The following EFTUD2 variants were observed in gnomAD, a reference collection of about 807,000 sequenced individuals.
EFTUD2 encodes the protein 116 kDa U5 small nuclear ribonucleoprotein component.
EFTUD2 carries 9 observed loss-of-function variants against 114.3 expected under a neutral mutation model. That is an observed-to-expected ratio of 0.08 (90% CI 0.05 to 0.14). EFTUD2 has a LOEUF of 0.14. EFTUD2 is among the 10% of genes least tolerant of loss of function. EFTUD2 has a pLI of 1.00. For synonymous variants in EFTUD2, 449 were observed against 462.3 expected (o/e 0.97, Z 0.37); for missense variants, 765 against 1,241.2 (o/e 0.62, Z 5.76).
Position 44,860,054 on chromosome 17 carries a change from C to A in EFTUD2, c.1720-9G>T. 6.2e-7 allele frequency: 1 copy of A among 1,614,126 alleles called. No individual in the cohort carries two copies. The highest frequency in any genetic ancestry group is 8.5e-7 in the Non-Finnish European group (1 of 1,180,040). On this transcript the variant is annotated splice_polypyrimidine_tract_variant and intron_variant, in intron 17 of 27. Coordinates refer to ENST00000426333, the MANE Select transcript of EFTUD2 (RefSeq NM_004247.4). ...GGTCGGAAAATCTGAGCCTGAGATC[C>A]AAAGCACAAAGGACTGAGGGCAACT...
At position 44,867,875 on chromosome 17, in the gene EFTUD2, G is replaced by A. The variant is rs2050778611; in HGVS notation, c.1081C>T (p.Pro361Ser). The A allele has an allele frequency of 6.2e-7, 1 of 1,601,804 alleles. No homozygotes were observed. Among genetic ancestry groups the A allele is most frequent in the Non-Finnish European group, 8.5e-7 (1 of 1,173,826 alleles). Residue 361 changes from proline (P) to serine (S), a missense_variant, in exon 13 of 28, where the codon CCA (proline) becomes TCA (serine). By Grantham distance (74) the Pro-to-Ser change is moderately conservative. Around this residue, in one of 6 missense-constraint regions of EFTUD2, gnomAD observed 251 missense variants for 357.7 expected, o/e 0.70. Transcript: ENST00000426333. Reference protein sequence around the residue: ...PKTRKFTKKAPTSSSQRSFVE... With the variant: ...PKTRKFTKKASTSSSQRSFVE... The stretch of plus-strand genomic sequence containing the variant: ...AAACTTCTCTGGGAGCTGCTAGTTG[G>A]GGCCTTTTTGGTGAACTTTCGCCTA...
intron 11 of EFTUD2, among the ~76,000 whole-genome samples, chr17:44,868,631 C>T (rs1246447293): frequency 6.6e-6 from 1 of 152,196 alleles, no homozygotes; most frequent in Non-Finnish European, 1.5e-5. Flanking sequence ...GCATGGGTTA[C>T]ATGTTTTCCT....
intron 2 of EFTUD2, among the ~76,000 whole-genome samples, chr17:44,889,541 A>G (rs2051240350): frequency 6.6e-6 from 1 of 152,238 alleles, no homozygotes; most frequent in South Asian, 2.1e-4. Flanking sequence ...AAGGGATGGG[A>G]TTAGTTTCTA....
At chr17:44,863,946 G>T in intron 14 of EFTUD2, 164 bp from the exon 15 acceptor site, 1 of 895,004 alleles carries the variant, frequency 1.1e-6, no homozygotes, top group Non-Finnish European at 1.6e-6. Flanking sequence ...TCCTGGGAAT[G>T]TGCTGCTAGA....
At chr17:44,873,898 ATT>A (rs1054585104) in intron 10 of EFTUD2, among the ~76,000 whole-genome samples, 2 of 149,442 alleles carry the variant, frequency 1.3e-5, no homozygotes, top group African/African-American at 5.0e-5. Flanking sequence ...AGCCCGGCTA[ATT>A]TTTTTTGTAT....
intron 1 of EFTUD2, among the ~76,000 whole-genome samples, chr17:44,896,800 A>C (rs2051394519): frequency 6.6e-6 from 1 of 152,270 alleles, no homozygotes; most frequent in African/African-American, 2.4e-5. Context: ...CAACTATGTA[A>C]CTTGAGGTAA....
chr17:44,885,041 T>G (rs957987378), intron 4 of EFTUD2, among the ~76,000 whole-genome samples: 2 of 152,024 alleles, frequency 1.3e-5, no homozygotes, highest in Non-Finnish European at 2.9e-5. Flanking sequence ...AAACTAAAGA[T>G]CTGGAAGAGG....
chr17:44,867,770 A>G (rs1450189038), intron 13 of EFTUD2, 37 bp downstream of exon 13: 1 of 1,486,074 alleles, frequency 6.7e-7, no homozygotes, highest in Non-Finnish European at 9.0e-7. Flanking sequence ...CTGTGCTTAT[A>G]AGAGCAGATC....
At chr17:44,859,387 T>C in intron 18 of EFTUD2, 1 of 597,996 alleles carries the variant, frequency 1.7e-6, no homozygotes, top group Non-Finnish European at 3.0e-6. Context: ...AGCATGGTGA[T>C]ACTAGGTGTG....
At chr17:44,857,200 G>C (rs1567731253) in intron 19 of EFTUD2, 43 bp from the exon 20 acceptor site, 1 of 1,565,212 alleles carries the variant, frequency 6.4e-7, no homozygotes, top group African/African-American at 1.4e-5. Context: ...GTCTAATTTT[G>C]TTGGAAGGGC....
intron 11 of EFTUD2, among the ~76,000 whole-genome samples, chr17:44,871,082 G>A (rs561528634): frequency 1.3e-5 from 2 of 151,586 alleles, no homozygotes; most frequent in South Asian, 2.1e-4. Flanking sequence ...TCTGTTGCCC[G>A]GGCTGGAGTG....
chr17:44,871,260 A>T (rs982699285), intron 11 of EFTUD2, among the ~76,000 whole-genome samples: 4 of 151,994 alleles, frequency 2.6e-5, no homozygotes, highest in African/African-American at 9.7e-5. Flanking sequence ...ACTGGGCTCA[A>T]GTGATCCGCC....
chr17:44,885,428 G>A (rs2051150870), intron 3 of EFTUD2, 94 bp from the exon 4 acceptor site: 2 of 840,562 alleles, frequency 2.4e-6, no homozygotes, highest in African/African-American at 1.7e-5. Context: ...CAGAATGTAT[G>A]ATGTATGACA....
chr17:44,863,289 T>C (rs75016201), intron 15 of EFTUD2: 5,355 of 248,376 alleles, frequency 0.022, 90 homozygotes, highest in Non-Finnish European at 0.029. Context: ...CTGGGAAAGA[T>C]GTTTTTAAAA....
At position 44,850,203 on chromosome 17, in the gene EFTUD2, G is replaced by A. The variant is rs944060014; in HGVS notation, c.*1071C>T. ...GCTTGAAGCAGCTGTTGGGACCTGGGGCAGAAAGATGAGCGGGAAGCTGGA... is the reference window on the plus strand; with the variant it reads ...GCTTGAAGCAGCTGTTGGGACCTGGAGCAGAAAGATGAGCGGGAAGCTGGA... On this transcript the variant is annotated 3_prime_UTR_variant, in exon 28 of 28. Transcript: ENST00000426333. 2.9e-5 allele frequency: 19 copies of A among 657,568 alleles called. No individual in the cohort carries two copies. The highest frequency in any genetic ancestry group is 4.5e-5 in the Non-Finnish European group (17 of 379,524). The allele number at this position is 657,568 out of a possible 1,614,324, so 40.7% of individuals were successfully genotyped here.
At chr17:44,864,574 T>C (rs2050712348) in intron 14 of EFTUD2, among the ~76,000 whole-genome samples, 1 of 152,098 alleles carries the variant, frequency 6.6e-6, no homozygotes. Context: ...TAACCAAGTC[T>C]CCCAAGTCCT....
intron 9 of EFTUD2, among the ~76,000 whole-genome samples, chr17:44,877,859 C>T (rs11652831): frequency 0.26 from 39,779 of 150,490 alleles, 5,279 homozygotes; most frequent in Non-Finnish European, 0.28. Context: ...TGGCTGGAAG[C>T]GGTGGCTCAC....
intron 9 of EFTUD2, among the ~76,000 whole-genome samples, chr17:44,878,702 C>G (rs1243811149): frequency 1.3e-5 from 2 of 152,120 alleles, no homozygotes; most frequent in African/African-American, 2.4e-5. Context: ...TGAACGTGTA[C>G]AGAGAGAGAA....
In EFTUD2 at chr17:44,880,714, C is replaced by A. The variant is rs1259211072; in HGVS notation, c.529-70G>T. 2.4e-6 allele frequency: 3 copies of A among 1,248,124 alleles called. No individual in the cohort carries two copies. In the East Asian group the frequency reaches 7.1e-5, roughly 29 times the overall value. 77.3% of individuals were successfully genotyped at this position (1,248,124 alleles called of 1,614,324 possible). A position where few individuals can be genotyped will look rare whatever the true frequency, so the allele number is the denominator to read the frequency against. On this transcript the variant is annotated intron_variant, in intron 7 of 27. Coordinates refer to ENST00000426333, the MANE Select transcript of EFTUD2 (RefSeq NM_004247.4). ...GGGTTCATTTTGTTTTTGGGGCTCC[C>A]CAGTTGCTAGTAAATTACACTGATG...
Sources: allele counts gnomAD v4.1 joint callset (sites outside exome capture counted in the v4.1 genomes callset), GRCh38; gene constraint gnomAD v4.1.1; regional missense constraint gnomAD v4.1.1; transcripts MANE v1.5; gene names NCBI Gene and HGNC (gene_info 2026-07-23, HGNC 2026-07-21).